GDA: variants seen among roughly 807,000 people sequenced by gnomAD.
GDA encodes the protein cytoplasmic PSD-95 interactor.
Under a neutral mutation model 59.6 loss-of-function variants are expected in GDA, and 18 were observed. The ratio of observed to expected loss-of-function variants is 0.30; its 90% CI spans 0.21 to 0.45. GDA has a LOEUF of 0.45. GDA is among the 20% of genes least tolerant of loss of function. The probability of loss-of-function intolerance (pLI) is 1.00; values close to 1 mark genes in which losing one functional copy is unlikely to be tolerated. For missense variants in GDA, 427 were observed against 552.3 expected, an observed-to-expected ratio of 0.77 and a Z score of 2.27; for synonymous variants, 201 against 201.1, an observed-to-expected ratio of 1.00 and a Z score of 0.00.
chr9:72,120,440 C>T (rs1352653616), intron 1 of GDA, among the ~76,000 whole-genome samples: 2 of 152,130 alleles, frequency 1.3e-5, no homozygotes, highest in Admixed American at 6.5e-5. Flanking sequence ...TTGATCCGCC[C>T]GCCTCAGCCT....
chr9:72,186,487 C>T (rs989125148), intron 1 of GDA, among the ~76,000 whole-genome samples: 3 of 152,118 alleles, frequency 2.0e-5, no homozygotes, highest in Admixed American at 6.6e-5. Flanking sequence ...CATCACACTC[C>T]ACATTTTAGT....
chr9:72,196,056 C>G (rs1224521445), intron 2 of GDA, among the ~76,000 whole-genome samples: 1 of 151,976 alleles, frequency 6.6e-6, no homozygotes, highest in Non-Finnish European at 1.5e-5. Flanking sequence ...ATTTGAGAAT[C>G]AATTGGTTGG....
intron 1 of GDA, among the ~76,000 whole-genome samples, chr9:72,162,808 C>T (rs1451755526): frequency 1.3e-5 from 2 of 152,098 alleles, no homozygotes; most frequent in African/African-American, 2.4e-5. Context: ...CAGGCGCCCG[C>T]CACCACAACC....
At chr9:72,188,257 C>T (rs1479815225) in intron 1 of GDA, among the ~76,000 whole-genome samples, 1 of 152,186 alleles carries the variant, frequency 6.6e-6, no homozygotes, top group Admixed American at 6.5e-5. Context: ...ACCCTGAAAG[C>T]ATTTCAGAGA....
chr9:72,149,733 A>C, intron 1 of GDA, 51 bp downstream of exon 1: 1 of 1,528,376 alleles, frequency 6.5e-7, no homozygotes, highest in Non-Finnish European at 8.8e-7. Flanking sequence ...GGATAGGTGC[A>C]AGGAACCTGG....
rs551265410 is a variant in GDA at position 72,237,782 on chromosome 9, A to G, written c.989-3370A>G. Among the ~76,000 whole-genome samples, 4 of 152,206 alleles carry G rather than the reference A, an allele frequency of 2.6e-5. No individual in the cohort carries two copies. The South Asian group carries it at 6.2e-4, about 24-fold the overall frequency. ...ATTTTTGCTAACTGGAAACTTGATC[A>G]TTATCTTTGGGACCTTCTTCTCCCT... is the stretch of plus-strand genomic sequence containing the variant. On this transcript the variant is annotated intron_variant, in intron 10 of 13. Coordinates refer to ENST00000358399, the MANE Select transcript of GDA (RefSeq NM_004293.5).
At chr9:72,163,147 AT>A (rs1219477482) in intron 1 of GDA, among the ~76,000 whole-genome samples, 1 of 152,186 alleles carries the variant, frequency 6.6e-6, no homozygotes. Context: ...AGGTAAATCA[AT>A]GGGATTTGAT....
At chr9:72,117,424 C>T (rs1334863619) in intron 1 of GDA, among the ~76,000 whole-genome samples, 2 of 151,998 alleles carry the variant, frequency 1.3e-5, no homozygotes, top group Non-Finnish European at 2.9e-5. Context: ...CTCTCTTTCT[C>T]CCCATCTCCC....
intron 1 of GDA, among the ~76,000 whole-genome samples, chr9:72,123,370 A>C (rs1825735061): frequency 6.6e-6 from 1 of 151,016 alleles, no homozygotes; most frequent in African/African-American, 2.4e-5. Context: ...TTTTTAGTAG[A>C]GACATGGTTT....
chr9:72,130,112 C>G (rs563610434), intron 1 of GDA, among the ~76,000 whole-genome samples: 64 of 152,270 alleles, frequency 4.2e-4, no homozygotes, highest in Admixed American at 9.8e-4. Flanking sequence ...ACACTCATAG[C>G]CTGGAGACAC....
At chr9:72,214,015 T>G (rs373720768) in intron 5 of GDA, 24 bp downstream of exon 5, 1 of 1,282,408 alleles carries the variant, frequency 7.8e-7, no homozygotes, top group African/African-American at 1.5e-5. Flanking sequence ...TTGTCTTGAT[T>G]TGTCTTACAG....
At chr9:72,218,779 C>T (rs1278567702) in intron 5 of GDA, among the ~76,000 whole-genome samples, 1 of 152,224 alleles carries the variant, frequency 6.6e-6, no homozygotes, top group African/African-American at 2.4e-5. Flanking sequence ...TAAAGAGCTT[C>T]ATGGCTTCTA....
chr9:72,177,956 C>T (rs1830730577), intron 1 of GDA, among the ~76,000 whole-genome samples: 1 of 152,236 alleles, frequency 6.6e-6, no homozygotes, highest in Non-Finnish European at 1.5e-5. Context: ...TCCCACCTCG[C>T]TACTCTGTTG....
intron 5 of GDA, among the ~76,000 whole-genome samples, chr9:72,218,707 C>T (rs1034644801): frequency 6.6e-6 from 1 of 152,168 alleles, no homozygotes; most frequent in Non-Finnish European, 1.5e-5. Flanking sequence ...GAGAACTCTA[C>T]CCTTGTAAAT....
In GDA at chr9:72,233,729, C is replaced by G. The variant is rs182651725; in HGVS notation, c.988+2548C>G. On this transcript the variant is annotated intron_variant, in intron 10 of 13. Coordinates refer to ENST00000358399, the MANE Select transcript of GDA (RefSeq NM_004293.5). ...GGCCACGGCAGGAGGATTGCTTGAG[C>G]TCAGGTGTTTGAGATCAGCCTTGGC... 2.0e-3 allele frequency among the ~76,000 whole-genome samples: 305 copies of G among 152,190 alleles called. 1 individual carries two copies. Among genetic ancestry groups the G allele is most frequent in the African/African-American group, 7.1e-3 (293 of 41,520 alleles).
chr9:72,219,506 C>T lies in GDA; in HGVS notation c.606C>T (p.Asn202=). Residue 202 remains asparagine, a splice_region_variant and synonymous_variant, in exon 6 of 14, where the codon AAC becomes AAT. Coordinates refer to ENST00000358399, the MANE Select transcript of GDA (RefSeq NM_004293.5). ...TTGTGTCAGAAATGCTCCAAAAGAA[C>T]GTGAGTAACTTTGTTCAGAGCTCGC... ...ERFVSEMLQK[N]YSRVKPIVTP... is the part of the protein sequence containing the mutation. The T allele has an allele frequency of 1.9e-6, 3 of 1,598,574 alleles. No individual in the cohort carries two copies. Among genetic ancestry groups the T allele is most frequent in the South Asian group, 1.1e-5 (1 of 88,620 alleles).
chr9:72,182,614 A>G (rs1000918595), intron 1 of GDA, among the ~76,000 whole-genome samples: 7 of 152,208 alleles, frequency 4.6e-5, no homozygotes, highest in African/African-American at 1.4e-4. Flanking sequence ...TCTTTGTAAA[A>G]TAAACTTTGT....
chr9:72,214,732 T>C (rs1367202276), intron 5 of GDA: 3 of 337,890 alleles, frequency 8.9e-6, no homozygotes, highest in African/African-American at 2.3e-5. Flanking sequence ...TTTTTTTTTT[T>C]TCTTTTCTTT....
At chr9:72,193,601 C>T (rs1181709370) in intron 1 of GDA, among the ~76,000 whole-genome samples, 2 of 152,248 alleles carry the variant, frequency 1.3e-5, no homozygotes, top group Non-Finnish European at 2.9e-5. Context: ...GAAGCCAGCA[C>T]AGCACTGGGT....
Sources: allele counts gnomAD v4.1 joint callset (sites outside exome capture counted in the v4.1 genomes callset), GRCh38; gene constraint gnomAD v4.1.1; transcripts MANE v1.5; gene names NCBI Gene and HGNC (gene_info 2026-07-23, HGNC 2026-07-21).